The following FGFR1 variants were observed in gnomAD, a reference collection of about 807,000 sequenced individuals.
The protein encoded by FGFR1 is FGFR1/PLAG1 fusion.
In FGFR1, 18 loss-of-function variants were observed where a neutral mutation model predicts 93.7. That is an observed-to-expected ratio of 0.19 (90% CI 0.13 to 0.28). FGFR1 has a LOEUF of 0.28. Ranked by LOEUF, FGFR1 falls within the 10% of genes least tolerant of loss-of-function variation. FGFR1 has a pLI of 1.00. For synonymous variants in FGFR1, 448 were observed against 429.3 expected (o/e 1.04, Z -0.54); for missense variants, 731 against 1,080.4 (o/e 0.68, Z 4.53).
chr8:38,464,242 A>C (rs541292038), intron 1 of FGFR1, among the ~76,000 whole-genome samples: 1 of 147,566 alleles, frequency 6.8e-6, no homozygotes, highest in East Asian at 2.1e-4. Flanking sequence ...CTTCAACCGG[A>C]AGGCGGAGGT....
chr8:38,418,871 A>C (rs930498220), intron 9 of FGFR1, among the ~76,000 whole-genome samples: 12 of 152,186 alleles, frequency 7.9e-5, no homozygotes, highest in East Asian at 1.9e-4. Flanking sequence ...CTGTGTCCCC[A>C]CCCAAATCTC....
intron 2 of FGFR1, among the ~76,000 whole-genome samples, chr8:38,433,428 A>T (rs1019578267): frequency 6.6e-6 from 1 of 151,972 alleles, no homozygotes; most frequent in African/African-American, 2.4e-5. Flanking sequence ...TTCCCACTTC[A>T]GCCTCTGGAG....
chr8:38,421,565 G>A, intron 8 of FGFR1: 1 of 596,388 alleles, frequency 1.7e-6, no homozygotes, highest in Non-Finnish European at 3.0e-6. Context: ...CAGGGGGAGA[G>A]CAGAGGCAGG....
At chr8:38,427,813 T>C in intron 5 of FGFR1, 108 bp downstream of exon 5, 1 of 1,218,138 alleles carries the variant, frequency 8.2e-7, no homozygotes, top group Middle Eastern at 1.9e-4. Flanking sequence ...GAATAACCTG[T>C]ATAGGTGGAA....
intron 8 of FGFR1, among the ~76,000 whole-genome samples, chr8:38,421,193 C>G (rs1169713241): frequency 2.0e-5 from 3 of 152,228 alleles, no homozygotes; most frequent in Non-Finnish European, 4.4e-5. Context: ...CAGACCTCCC[C>G]TCTTGGGAGA....
chr8:38,449,578 G>A (rs140604015), intron 2 of FGFR1, among the ~76,000 whole-genome samples: 2 of 152,264 alleles, frequency 1.3e-5, no homozygotes, highest in Non-Finnish European at 2.9e-5. Context: ...TACTCTTTGC[G>A]GAACTCCTTG....
chr8:38,452,507 G>A (rs980940980), intron 2 of FGFR1, among the ~76,000 whole-genome samples: 1 of 151,998 alleles, frequency 6.6e-6, no homozygotes, highest in Admixed American at 6.6e-5. Context: ...TAGGACTGCC[G>A]ATGTGTGCCA....
intron 9 of FGFR1, 30 bp from the exon 10 acceptor site, chr8:38,418,403 C>A (rs753292258): frequency 6.2e-7 from 1 of 1,608,670 alleles, no homozygotes; most frequent in African/African-American, 1.3e-5. Flanking sequence ...CACCCTAGAG[C>A]AAGGAGGGGG....
At chr8:38,415,122 T>C (rs1369467381) in intron 13 of FGFR1, among the ~76,000 whole-genome samples, 2 of 152,186 alleles carry the variant, frequency 1.3e-5, no homozygotes, top group African/African-American at 4.8e-5. Context: ...ACTGGCCCCT[T>C]ATGCCTCTGC....
chr8:38,437,649 TGGGA>T (rs1825891540), intron 2 of FGFR1, among the ~76,000 whole-genome samples: 1 of 151,836 alleles, frequency 6.6e-6, no homozygotes, highest in African/African-American at 2.4e-5. Flanking sequence ...TGAGGGGCAG[TGGGA>T]GATGAGGCCA....
At chr8:38,430,723 GGGCACACCCTCA>G (rs1182714006) in intron 2 of FGFR1, 1 of 152,226 alleles carries the variant, frequency 6.6e-6, no homozygotes, top group Non-Finnish European at 1.5e-5. Flanking sequence ...CCCTCTGACT[GGGCACACCCTCA>G]GGCCCCCCAC....
chr8:38,468,568 C>T lies in FGFR1; in HGVS notation c.-676G>A, dbSNP rs945676138. The T allele has an allele frequency of 1.3e-5, 3 of 229,036 alleles. No homozygotes were observed. The highest frequency in any genetic ancestry group is 6.7e-5 in the African/African-American group (3 of 45,074). 14.2% of individuals were successfully genotyped at this position (229,036 alleles called of 1,614,324 possible). ...CTGCGGCTGCACCGGCGTCCCGGCT[C>T]CCGCTAGCTGCCGCCCGCCGCCGAG... is the stretch of plus-strand genomic sequence containing the variant. On this transcript the variant is annotated 5_prime_UTR_variant, in exon 1 of 18. Coordinates refer to ENST00000447712, the MANE Select transcript of FGFR1 (RefSeq NM_023110.3).
In FGFR1 at chr8:38,420,920, G is replaced by A. The variant is rs189036341; in HGVS notation, c.1081+877C>T. 3.3e-4 allele frequency among the ~76,000 whole-genome samples: 51 copies of A among 152,240 alleles called. No homozygotes were observed. In the East Asian group the frequency reaches 8.5e-3, roughly 25 times the overall value. ...GAGGAACGAAGACAACTGATTGGGA[G>A]CACATGGGGAGCACGGACAGGACCA... is the stretch of plus-strand genomic sequence containing the variant. On this transcript the variant is annotated intron_variant, in intron 8 of 17. Coordinates refer to ENST00000447712, the MANE Select transcript of FGFR1 (RefSeq NM_023110.3).
In FGFR1 at chr8:38,414,100, C is replaced by A. The variant is rs1310349235; in HGVS notation, c.2186+52G>T. 3 of 1,614,136 alleles carry A rather than the reference C, an allele frequency of 1.9e-6. No homozygotes were observed. The African/African-American group carries it at 4.0e-5, about 22-fold the overall frequency. On this transcript the variant is annotated intron_variant, in intron 16 of 17. Coordinates refer to ENST00000447712, the MANE Select transcript of FGFR1 (RefSeq NM_023110.3). ...AGTCTAGCCCCCTGCCCCTCAAGCC[C>A]ACTCTTGCCCCAAGGCCTGGCTCAG...
chr8:38,415,614 G>A (rs908229237), intron 13 of FGFR1, among the ~76,000 whole-genome samples: 2 of 152,040 alleles, frequency 1.3e-5, no homozygotes, highest in African/African-American at 4.8e-5. Flanking sequence ...AAGATGCTAA[G>A]TAGCTGCCTG....
In FGFR1 at chr8:38,426,699, G is replaced by A. The variant is rs990287267; in HGVS notation, c.622-454C>T. On this transcript the variant is annotated intron_variant, in intron 5 of 17. Transcript: ENST00000447712. This position sits in a 1 kb window ranked among gnomAD's most constrained non-coding sequence, Gnocchi z 4.1. ...GCACTGATCACAGTCTACTTTTTAC[G>A]GTAGCTGCTCATGGACATTTGCCTC... Among the ~76,000 whole-genome samples, 7 of 152,148 alleles carry A rather than the reference G, an allele frequency of 4.6e-5. No homozygotes were observed. Among genetic ancestry groups the A allele is most frequent in the East Asian group, 1.9e-4 (1 of 5,190 alleles).
In FGFR1 at chr8:38,461,384, G is replaced by C. The variant is rs1834374124; in HGVS notation, c.-88-3850C>G. Reference sequence around the variant, plus strand: ...GAGTGTTGCTCTGTCACCCAAGCTAGAGTGCAGTGGCACGATCTCAACTCA... The same window carrying C: ...GAGTGTTGCTCTGTCACCCAAGCTACAGTGCAGTGGCACGATCTCAACTCA... On this transcript the variant is annotated intron_variant, in intron 1 of 17. Coordinates refer to ENST00000447712, the MANE Select transcript of FGFR1 (RefSeq NM_023110.3). 1.5e-5 allele frequency: 7 copies of C among 470,262 alleles called. 1 individual carries two copies. In the South Asian group the frequency reaches 2.0e-4, roughly 13 times the overall value. The allele number at this position is 470,262 out of a possible 1,614,324, so 29.1% of individuals were successfully genotyped here. A position where few individuals can be genotyped will look rare whatever the true frequency, so the allele number is the denominator to read the frequency against.
At chr8:38,467,790 G>A (rs566961424) in intron 1 of FGFR1, 191 bp downstream of exon 1, 52 of 233,384 alleles carry the variant, frequency 2.2e-4, no homozygotes, top group African/African-American at 1.1e-3. Flanking sequence ...CGGAGGGAAG[G>A]GAGGGGAGAC....
chr8:38,452,192 GACACACAGACACACACACACACACACAC>G (rs1831284324), intron 2 of FGFR1, among the ~76,000 whole-genome samples: 1 of 91,482 alleles, frequency 1.1e-5, no homozygotes, highest in Non-Finnish European at 2.2e-5. Flanking sequence ...CAGACACACA[GACACACAGACACACACACACACACACAC>G]ACACACACAC....
Sources: gnomAD v4.1 joint callset for allele counts (sites outside exome capture counted in the v4.1 genomes callset) on GRCh38, gnomAD v4.1.1 for gene constraint, Gnocchi (gnomAD v3.1) non-coding constraint, MANE v1.5 for transcripts, NCBI Gene and HGNC (gene_info 2026-07-23, HGNC 2026-07-21) for gene names.